The following KAZN variants were observed in gnomAD, a reference collection of about 807,000 sequenced individuals.
KAZN encodes kazrin, periplakin interacting protein.
In KAZN, 40 loss-of-function variants were observed where a neutral mutation model predicts 87.4. The ratio of observed to expected loss-of-function variants is 0.46; its 90% confidence interval spans 0.36 to 0.60. The LOEUF is 0.60. KAZN is among the 20% of genes least tolerant of loss of function. KAZN has a pLI of 0.00. For missense variants in KAZN, 898 were observed against 1,073.9 expected, an observed-to-expected ratio of 0.84 and a Z score of 2.29; for synonymous variants, 466 against 458.3, an observed-to-expected ratio of 1.02 and a Z score of -0.22.
At chr1:14,920,024 G>A (rs1408140309) in intron 1 of KAZN, among the ~76,000 whole-genome samples, 1 of 152,180 alleles carries the variant, frequency 6.6e-6, no homozygotes, top group Admixed American at 6.5e-5. Context: ...TTGTCATTAA[G>A]TGATGCATGA....
intron 2 of KAZN, among the ~76,000 whole-genome samples, chr1:15,011,390 G>A (rs900074644): frequency 2.0e-5 from 3 of 152,152 alleles, no homozygotes; most frequent in Non-Finnish European, 2.9e-5. Context: ...AGCTCCGAAG[G>A]CACAGGATGC....
chr1:14,780,699 G>T (rs913514921), intron 1 of KAZN, among the ~76,000 whole-genome samples: 1 of 152,122 alleles, frequency 6.6e-6, no homozygotes, highest in Admixed American at 6.5e-5. Flanking sequence ...TAAAAAATAC[G>T]AAGTGCTCAG....
chr1:14,702,752 G>A (rs1023034005), intron 1 of KAZN, among the ~76,000 whole-genome samples: 5 of 152,172 alleles, frequency 3.3e-5, no homozygotes, highest in African/African-American at 1.2e-4. Flanking sequence ...ATGTAACGTG[G>A]CCCTTTCGCC....
chr1:14,300,077 C>T (rs114751735), intron 2 of KAZN, among the ~76,000 whole-genome samples: 7 of 152,074 alleles, frequency 4.6e-5, no homozygotes, highest in African/African-American at 1.7e-4. Context: ...CTCACAAACG[C>T]AAAGGTGCTG....
At chr1:14,124,792 T>C (rs556971106) in intron 1 of KAZN, among the ~76,000 whole-genome samples, 7 of 152,300 alleles carry the variant, frequency 4.6e-5, no homozygotes, top group African/African-American at 1.7e-4. Context: ...TCAGAAAGTG[T>C]GCACAGAGCA....
At chr1:14,528,337 CAAAAAAAAAAAAA>C (rs33960231) in intron 2 of KAZN, among the ~76,000 whole-genome samples, 5 of 49,360 alleles carry the variant, frequency 1.0e-4, no homozygotes, top group Admixed American at 6.7e-4. Flanking sequence ...GACTCCATCT[CAAAAAAAAAAAAA>C]AAAAAAAAAA....
At chr1:14,689,434 A>C (rs1437786920) in intron 1 of KAZN, among the ~76,000 whole-genome samples, 1 of 152,122 alleles carries the variant, frequency 6.6e-6, no homozygotes, top group African/African-American at 2.4e-5. Flanking sequence ...AAGCTGCCGG[A>C]GGATGTTGAT....
chr1:14,200,412 A>C, intron 2 of KAZN, among the ~76,000 whole-genome samples: 1 of 152,294 alleles, frequency 6.6e-6, no homozygotes, highest in Non-Finnish European at 1.5e-5. Context: ...CACAACTAGT[A>C]GGGGAAAACA....
intron 1 of KAZN, among the ~76,000 whole-genome samples, chr1:14,696,637 C>T (rs1330983796): frequency 6.6e-6 from 1 of 152,138 alleles, no homozygotes; most frequent in African/African-American, 2.4e-5. Flanking sequence ...ACTGGTTCTC[C>T]AACTTAAGCA....
chr1:14,428,531 G>A (rs1382468767), intron 2 of KAZN, among the ~76,000 whole-genome samples: 3 of 152,104 alleles, frequency 2.0e-5, no homozygotes, highest in Non-Finnish European at 4.4e-5. Context: ...AATCTGAAAA[G>A]CCTTTAAATT....
chr1:14,847,520 G>A (rs981086119), intron 1 of KAZN, among the ~76,000 whole-genome samples: 1 of 152,194 alleles, frequency 6.6e-6, no homozygotes, highest in African/African-American at 2.4e-5. Context: ...CCTTGGGTCC[G>A]CAGTGAGCTA....
intron 2 of KAZN, among the ~76,000 whole-genome samples, chr1:14,402,177 C>T (rs906326365): frequency 1.3e-5 from 2 of 148,152 alleles, no homozygotes; most frequent in African/African-American, 5.0e-5. Context: ...ATTTTAAACA[C>T]AAAATTTACA....
chr1:14,788,945 G>A lies in KAZN; in HGVS notation c.227-171739G>A, dbSNP rs116085966. ...TCCTCCAGATCATCAATTTACAAAC[G>A]CAGTTACCTTTACCTGGGAAGGTTA... On this transcript the variant is annotated intron_variant, in intron 1 of 14. Transcript: ENST00000376030. 4.9e-3 allele frequency among the ~76,000 whole-genome samples: 739 copies of A among 152,236 alleles called. 6 individuals are homozygous for A. Among genetic ancestry groups the A allele is most frequent in the African/African-American group, 0.014 (589 of 41,538 alleles).
rs1478926572 is a variant in KAZN, at chr1:14,985,126, ACT to A, written c.418+24254_418+24255del. ...ACTCCAGCCTGGGCGACAGAGCAAG[ACT>A]CTGTCTCAAAAAAAAAAAAAAAATG... On this transcript the variant is annotated intron_variant, in intron 2 of 14. Transcript: ENST00000376030. Among the ~76,000 whole-genome samples, 3 of 147,464 alleles carry A rather than the reference ACT, an allele frequency of 2.0e-5. No individual in the cohort carries two copies. The East Asian group carries it at 6.0e-4, about 30-fold the overall frequency.
At chr1:14,601,264 A>C (rs1237869662) in intron 1 of KAZN, among the ~76,000 whole-genome samples, 1 of 152,160 alleles carries the variant, frequency 6.6e-6, no homozygotes, top group Non-Finnish European at 1.5e-5. Context: ...AAATGTTCAA[A>C]GGTTTAAACT....
intron 1 of KAZN, among the ~76,000 whole-genome samples, chr1:14,818,422 G>A (rs573806940): frequency 1.3e-5 from 2 of 152,348 alleles, no homozygotes; most frequent in South Asian, 4.1e-4. Context: ...CGTTACCCAG[G>A]TGGGTGCCAC....
chr1:14,028,563 G>A (rs1278548608), intron 1 of KAZN, among the ~76,000 whole-genome samples: 1 of 152,182 alleles, frequency 6.6e-6, no homozygotes, highest in East Asian at 1.9e-4. Flanking sequence ...GCTGAGACAC[G>A]ACCAGCTCCT....
At chr1:14,414,744 G>A (rs890554276) in intron 2 of KAZN, among the ~76,000 whole-genome samples, 8 of 152,148 alleles carry the variant, frequency 5.3e-5, no homozygotes, top group African/African-American at 1.9e-4. Context: ...GAACACAGAG[G>A]CCAGGAGCAG....
intron 1 of KAZN, among the ~76,000 whole-genome samples, chr1:14,798,578 G>T (rs1308942772): frequency 6.6e-6 from 1 of 150,968 alleles, no homozygotes; most frequent in African/African-American, 2.4e-5. Flanking sequence ...GGGACTACAG[G>T]CGCCCGCCAC....
Sources: gnomAD v4.1 joint callset for allele counts (sites outside exome capture counted in the v4.1 genomes callset) on GRCh38, gnomAD v4.1.1 for gene constraint, MANE v1.5 for transcripts, NCBI Gene and HGNC (gene_info 2026-07-23, HGNC 2026-07-21) for gene names.